PXDNL: variants seen among roughly 807,000 people sequenced by gnomAD.
The protein encoded by PXDNL is probable oxidoreductase PXDNL.
Under a neutral mutation model 150.8 loss-of-function variants are expected in PXDNL, and 145 were observed. The ratio of observed to expected loss-of-function variants is 0.96; its 90% CI spans 0.84 to 1.10. PXDNL has a LOEUF of 1.10. PXDNL is among the 50% of genes least tolerant of loss of function. The pLI is 0.00. For missense variants in PXDNL, 2,087 were observed against 1,873.9 expected (o/e 1.11, Z -2.10); for synonymous variants, 757 against 725.7 (o/e 1.04, Z -0.69).
intron 1 of PXDNL, among the ~76,000 whole-genome samples, chr8:51,786,508 C>A (rs1489631660): frequency 6.6e-6 from 1 of 152,166 alleles, no homozygotes; most frequent in African/African-American, 2.4e-5. Context: ...GATGACAACC[C>A]TTCCTCACTC....
At chr8:51,632,457 G>A (rs1191313380) in intron 2 of PXDNL, among the ~76,000 whole-genome samples, 1 of 152,038 alleles carries the variant, frequency 6.6e-6, no homozygotes, top group Non-Finnish European at 1.5e-5. Context: ...AGAAAAATGA[G>A]CCAGGCATGG....
At position 51,374,609 on chromosome 8, in the gene PXDNL, C is replaced by A; in HGVS notation, c.3680G>T (p.Arg1227Ile). ...GATAATCATTCACCTATCTCCATCTCTTAGCCGCTGAAACTGGGTAACAAA... is the reference window on the plus strand; with the variant it reads ...GATAATCATTCACCTATCTCCATCTATTAGCCGCTGAAACTGGGTAACAAA... The part of the protein sequence containing the change: ...CLFVTQFQRL[R>I]DGDRFWYENP... The change falls in exon 18 of 23, where the codon AGA (arginine) becomes ATA (isoleucine). Residue 1227 changes from arginine to isoleucine, a missense_variant. Arg to Ile is a moderately conservative substitution (Grantham distance 97, BLOSUM62 -3). Transcript: ENST00000356297. 6.2e-7 allele frequency: 1 copy of A among 1,613,962 alleles called. No individual in the cohort carries two copies.
intron 19 of PXDNL, among the ~76,000 whole-genome samples, chr8:51,359,153 A>AT (rs942007015): frequency 1.0e-4 from 7 of 67,544 alleles, no homozygotes; most frequent in African/African-American, 1.7e-4. Context: ...TTGAGCCAAG[A>AT]TAAAAAAAGT....
chr8:51,394,058 T>G (rs1563389809), intron 17 of PXDNL, among the ~76,000 whole-genome samples: 1 of 152,236 alleles, frequency 6.6e-6, no homozygotes, highest in African/African-American at 2.4e-5. Context: ...CAACTCCGTG[T>G]CCTTGGGAAA....
intron 2 of PXDNL, among the ~76,000 whole-genome samples, chr8:51,634,386 C>T (rs948441094): frequency 6.6e-6 from 1 of 151,888 alleles, no homozygotes; most frequent in Non-Finnish European, 1.5e-5. Flanking sequence ...ACTATAGCCT[C>T]ATAATATAGT....
At chr8:51,704,258 C>A (rs1816317825) in intron 1 of PXDNL, among the ~76,000 whole-genome samples, 1 of 152,128 alleles carries the variant, frequency 6.6e-6, no homozygotes, top group African/African-American at 2.4e-5. Flanking sequence ...ATATATTTTG[C>A]AAATTGCTTT....
chr8:51,756,047 G>A (rs1371247927), intron 1 of PXDNL, among the ~76,000 whole-genome samples: 1 of 152,102 alleles, frequency 6.6e-6, no homozygotes, highest in Non-Finnish European at 1.5e-5. Flanking sequence ...TTTTTTAAAT[G>A]TATCATATAC....
intron 1 of PXDNL, among the ~76,000 whole-genome samples, chr8:51,803,377 C>T (rs552148260): frequency 6.1e-4 from 93 of 152,242 alleles, no homozygotes; most frequent in African/African-American, 2.1e-3. Flanking sequence ...CTTTGCCTAC[C>T]ACACAAAAAA....
At chr8:51,630,269 T>A (rs1814462854) in intron 2 of PXDNL, among the ~76,000 whole-genome samples, 1 of 152,116 alleles carries the variant, frequency 6.6e-6, no homozygotes, top group Non-Finnish European at 1.5e-5. Flanking sequence ...CCTTACACCA[T>A]ATATAAAAAT....
chr8:51,743,365 C>G (rs953814925), intron 1 of PXDNL, among the ~76,000 whole-genome samples: 6 of 151,876 alleles, frequency 4.0e-5, no homozygotes, highest in African/African-American at 1.5e-4. Flanking sequence ...TTACAAGTGC[C>G]TGCCACCGTG....
At position 51,319,779 on chromosome 8, in the gene PXDNL, T is replaced by C. The variant is rs868014103; in HGVS notation, c.*112A>G. On this transcript the variant is annotated 3_prime_UTR_variant, in exon 23 of 23. Coordinates refer to ENST00000356297, the MANE Select transcript of PXDNL (RefSeq NM_144651.5). ...GTAAGATTAGATGAACTAAGTTGCT[T>C]AAGTCAGTGGTTTCCATATCAACAA... The C allele has an allele frequency of 1.4e-4, 134 of 940,490 alleles. No individual in the cohort carries two copies. Among genetic ancestry groups the C allele is most frequent in the Middle Eastern group, 2.8e-4 (1 of 3,528 alleles). 58.3% of individuals were successfully genotyped at this position (940,490 alleles called of 1,614,324 possible).
At chr8:51,602,672 T>TA (rs1325417055) in intron 2 of PXDNL, among the ~76,000 whole-genome samples, 12 of 151,726 alleles carry the variant, frequency 7.9e-5, no homozygotes, top group Non-Finnish European at 1.8e-4. Flanking sequence ...GACATTAACT[T>TA]AAAAAATCCT....
intron 1 of PXDNL, among the ~76,000 whole-genome samples, chr8:51,703,007 T>A (rs1372963255): frequency 6.6e-6 from 1 of 152,152 alleles, no homozygotes; most frequent in Non-Finnish European, 1.5e-5. Context: ...TTCAGAATAA[T>A]CTTTTTCAGT....
chr8:51,713,052 G>T (rs1816532290), intron 1 of PXDNL, among the ~76,000 whole-genome samples: 1 of 152,182 alleles, frequency 6.6e-6, no homozygotes, highest in South Asian at 2.1e-4. Context: ...AAAAATGTGA[G>T]TCAATAAAAA....
chr8:51,743,311 G>A lies in PXDNL; in HGVS notation c.164+65870C>T, dbSNP rs772802959. Reference sequence around the variant, plus strand: ...CGGCTCACTGTAACCTCCGCCTCCCGGGTTCAAGCTATTCTCCTGCCTCAG... The same window carrying A: ...CGGCTCACTGTAACCTCCGCCTCCCAGGTTCAAGCTATTCTCCTGCCTCAG... On this transcript the variant is annotated intron_variant, in intron 1 of 22. Coordinates refer to ENST00000356297, the MANE Select transcript of PXDNL (RefSeq NM_144651.5). Among the ~76,000 whole-genome samples the A allele has an allele frequency of 3.3e-5, 5 of 152,174 alleles. No individual in the cohort carries two copies. In the South Asian group the frequency reaches 6.2e-4, roughly 19 times the overall value.
chr8:51,330,123 G>A (rs1805638805), intron 21 of PXDNL, among the ~76,000 whole-genome samples: 1 of 152,118 alleles, frequency 6.6e-6, no homozygotes, highest in African/African-American at 2.4e-5. Context: ...ACACTGGGAG[G>A]GGCACCTGCT....
At chr8:51,527,844 CA>C (rs1262633750) in intron 4 of PXDNL, among the ~76,000 whole-genome samples, 1 of 152,258 alleles carries the variant, frequency 6.6e-6, no homozygotes, top group African/African-American at 2.4e-5. Context: ...GAGAATCAGT[CA>C]GGGAAAATAT....
chr8:51,452,656 CTG>C (rs1292313857), intron 10 of PXDNL, among the ~76,000 whole-genome samples: 2 of 152,188 alleles, frequency 1.3e-5, no homozygotes, highest in African/African-American at 4.8e-5. Context: ...TTTCTCTGTT[CTG>C]TGTTTCACAC....
intron 3 of PXDNL, among the ~76,000 whole-genome samples, chr8:51,567,741 A>T (rs1812857064): frequency 6.6e-6 from 1 of 151,540 alleles, no homozygotes; most frequent in African/African-American, 2.4e-5. Flanking sequence ...TGGTTTCAGG[A>T]CCTCTCGAGG....
Sources: gnomAD v4.1 joint callset for allele counts (sites outside exome capture counted in the v4.1 genomes callset) on GRCh38, gnomAD v4.1.1 for gene constraint, MANE v1.5 for transcripts, NCBI Gene and HGNC (gene_info 2026-07-23, HGNC 2026-07-21) for gene names.